MLLT3: variants seen among roughly 807,000 people sequenced by gnomAD.
MLLT3 encodes protein AF-9.
Under a neutral mutation model 53.2 loss-of-function variants are expected in MLLT3, and 4 were observed. The ratio of observed to expected loss-of-function variants is 0.08; its 90% CI spans 0.04 to 0.17. MLLT3 has a LOEUF of 0.17. MLLT3 is among the 10% of genes least tolerant of loss of function. The pLI, the probability that MLLT3 is intolerant of heterozygous loss-of-function variation, is 1.00. For missense variants in MLLT3, 569 were observed against 684.0 expected, an observed-to-expected ratio of 0.83 and a Z score of 1.87; for synonymous variants, 283 against 230.6, an observed-to-expected ratio of 1.23 and a Z score of -2.06.
chr9:20,425,484 A>T (rs1431427380), intron 4 of MLLT3, among the ~76,000 whole-genome samples: 1 of 152,070 alleles, frequency 6.6e-6, no homozygotes, highest in Non-Finnish European at 1.5e-5. Context: ...CTTCCTTTTC[A>T]TGCACTCATT....
At chr9:20,419,639 A>G (rs1364085386) in intron 4 of MLLT3, among the ~76,000 whole-genome samples, 2 of 152,188 alleles carry the variant, frequency 1.3e-5, no homozygotes, top group Non-Finnish European at 2.9e-5. Flanking sequence ...ACTGAAATCT[A>G]GAAGAAAGAA....
In MLLT3 at chr9:20,414,348, G is replaced by GCTGCTGCTGCTGCTGCTGCTGCTA. The variant is rs1822817359; in HGVS notation, c.497_498insTAGCAGCAGCAGCAGCAGCAGCAG (p.Ser183_Ser190dup). On this transcript the variant is annotated inframe_insertion, in exon 5 of 11. Transcript: ENST00000380338. Reference sequence around the variant, plus strand: ...TGCTGCTGCTGCTGCTGCTGCTACTGCTGCTGCTGCTGCTGCTGCTGCTGC... The same window carrying GCTGCTGCTGCTGCTGCTGCTGCTA: ...TGCTGCTGCTGCTGCTGCTGCTACTGCTGCTGCTGCTGCTGCTGCTGCTACTGCTGCTGCTGCTGCTGCTGCTGC... 7.0e-7 allele frequency: 1 copy of GCTGCTGCTGCTGCTGCTGCTGCTA among 1,423,248 alleles called. No homozygotes were observed. The highest frequency in any genetic ancestry group is 9.5e-7 in the Non-Finnish European group (1 of 1,055,140). The allele number at this position is 1,423,248 out of a possible 1,614,324, so 88.2% of individuals were successfully genotyped here.
chr9:20,454,257 A>G (rs530278740), intron 3 of MLLT3, among the ~76,000 whole-genome samples: 45 of 151,348 alleles, frequency 3.0e-4, no homozygotes, highest in Non-Finnish European at 4.4e-4. Flanking sequence ...GTGTGTGTGC[A>G]CACGCATGCG....
At chr9:20,511,335 T>C (rs1183624790) in intron 2 of MLLT3, among the ~76,000 whole-genome samples, 1 of 152,178 alleles carries the variant, frequency 6.6e-6, no homozygotes, top group Admixed American at 6.5e-5. Context: ...AAAGAATATA[T>C]GCAAATACAA....
chr9:20,431,740 T>C (rs1281045997), intron 4 of MLLT3, among the ~76,000 whole-genome samples: 2 of 152,074 alleles, frequency 1.3e-5, no homozygotes, highest in African/African-American at 4.8e-5. Context: ...AATCTAGATA[T>C]CTAGATAACA....
At chr9:20,401,000 A>G (rs1365405524) in intron 5 of MLLT3, among the ~76,000 whole-genome samples, 2 of 152,194 alleles carry the variant, frequency 1.3e-5, no homozygotes, top group Admixed American at 6.6e-5. Context: ...TCCAACCTCA[A>G]TTGAGTTAAT....
intron 2 of MLLT3, among the ~76,000 whole-genome samples, chr9:20,458,937 G>A (rs1345230367): frequency 1.3e-5 from 2 of 152,100 alleles, no homozygotes; most frequent in African/African-American, 4.8e-5. Flanking sequence ...TAAACAGGAT[G>A]CAGCAAGCAA....
intron 2 of MLLT3, among the ~76,000 whole-genome samples, chr9:20,583,558 T>C (rs1383475577): frequency 6.6e-6 from 1 of 152,182 alleles, no homozygotes; most frequent in African/African-American, 2.4e-5. Context: ...ATCTGGCATT[T>C]CCATACATCT....
At chr9:20,530,315 C>T (rs1427669737) in intron 2 of MLLT3, among the ~76,000 whole-genome samples, 4 of 152,198 alleles carry the variant, frequency 2.6e-5, no homozygotes, top group Non-Finnish European at 5.9e-5. Flanking sequence ...GACTAGAACA[C>T]ACACATATTT....
chr9:20,554,118 A>T (rs1818996843), intron 2 of MLLT3, among the ~76,000 whole-genome samples: 1 of 152,144 alleles, frequency 6.6e-6, no homozygotes, highest in African/African-American at 2.4e-5. Context: ...CATATTTAGG[A>T]TTTTTAACTG....
intron 2 of MLLT3, among the ~76,000 whole-genome samples, chr9:20,524,373 A>G (rs1818145857): frequency 6.6e-6 from 1 of 152,120 alleles, no homozygotes; most frequent in Admixed American, 6.5e-5. Context: ...TTCTGGTATA[A>G]CAATCTCTGC....
At chr9:20,476,893 C>T (rs372269471) in intron 2 of MLLT3, among the ~76,000 whole-genome samples, 5 of 152,122 alleles carry the variant, frequency 3.3e-5, no homozygotes, top group African/African-American at 7.2e-5. Context: ...CCATAGCATA[C>T]GTTAAGGAAT....
At chr9:20,472,279 G>T (rs945360676) in intron 2 of MLLT3, among the ~76,000 whole-genome samples, 1 of 151,930 alleles carries the variant, frequency 6.6e-6, no homozygotes, top group Non-Finnish European at 1.5e-5. Context: ...TGTATTTCCT[G>T]GGATAGGTTT....
chr9:20,536,873 C>T (rs938690105), intron 2 of MLLT3, among the ~76,000 whole-genome samples: 22 of 149,218 alleles, frequency 1.5e-4, no homozygotes, highest in African/African-American at 5.4e-4. Context: ...AAACTGCCAA[C>T]AAGCACATAC....
Position 20,613,127 on chromosome 9 carries a change from G to A in MLLT3, c.193+7527C>T, listed in dbSNP as rs566006712. Reference sequence around the variant, plus strand: ...ACGTGGCTCTTTATAGATGAAATGTGGACAGGTTCAGAAACAGAATTGAGT... The same window carrying A: ...ACGTGGCTCTTTATAGATGAAATGTAGACAGGTTCAGAAACAGAATTGAGT... On this transcript the variant is annotated intron_variant, in intron 2 of 10. Transcript: ENST00000380338. Among the ~76,000 whole-genome samples the A allele has an allele frequency of 2.0e-5, 3 of 152,214 alleles. No homozygotes were observed. In the South Asian group the frequency reaches 6.2e-4, roughly 32 times the overall value.
intron 5 of MLLT3, among the ~76,000 whole-genome samples, chr9:20,393,335 A>C (rs181953645): frequency 1.3e-5 from 2 of 152,318 alleles, no homozygotes; most frequent in Admixed American, 1.3e-4. Flanking sequence ...ACTGGGAAAC[A>C]CTATAGGACT....
chr9:20,360,661 G>A (rs1352973357), intron 8 of MLLT3, 81 bp downstream of exon 8: 18 of 1,166,504 alleles, frequency 1.5e-5, no homozygotes, highest in Non-Finnish European at 2.1e-5. Flanking sequence ...TAAAATTCAG[G>A]GATGAAAGTT....
chr9:20,525,674 A>C (rs541847972), intron 2 of MLLT3, among the ~76,000 whole-genome samples: 1 of 152,316 alleles, frequency 6.6e-6, no homozygotes, highest in Admixed American at 6.5e-5. Context: ...AGGTCTAGTC[A>C]GTCCCAAGGT....
intron 5 of MLLT3, among the ~76,000 whole-genome samples, chr9:20,406,133 A>G (rs919883454): frequency 1.3e-5 from 2 of 151,900 alleles, no homozygotes; most frequent in African/African-American, 4.8e-5. Flanking sequence ...AAAAAAAGAA[A>G]AAAAAGCCTT....
Sources: gnomAD v4.1 joint callset for allele counts (sites outside exome capture counted in the v4.1 genomes callset) on GRCh38, gnomAD v4.1.1 for gene constraint, MANE v1.5 for transcripts, NCBI Gene and HGNC (gene_info 2026-07-23, HGNC 2026-07-21) for gene names.